The following CACNA2D3 variants were observed in gnomAD, a reference collection of about 807,000 sequenced individuals.
The protein encoded by CACNA2D3 is calcium voltage-gated channel auxiliary subunit alpha2delta 3.
CACNA2D3 carries 60 observed loss-of-function variants against 160.6 expected under a neutral mutation model. The observed-to-expected ratio is 0.37, with a 90% CI of 0.30 to 0.46. The LOEUF is 0.46. Among genes scored for constraint, CACNA2D3 ranks in the 20% least tolerant of loss-of-function variants. CACNA2D3 has a pLI of 1.00. For missense variants in CACNA2D3, 1,205 were observed against 1,365.0 expected (o/e 0.88, Z 1.85); for synonymous variants, 558 against 492.9 (o/e 1.13, Z -1.75).
intron 11 of CACNA2D3, among the ~76,000 whole-genome samples, chr3:54,719,391 C>G (rs1006246083): frequency 4.6e-5 from 7 of 151,750 alleles, no homozygotes; most frequent in African/African-American, 9.7e-5. Flanking sequence ...TGAATTTTGT[C>G]GAGTGCTTGT....
At chr3:54,816,925 G>T in intron 14 of CACNA2D3, 55 bp downstream of exon 14, 1 of 1,585,200 alleles carries the variant, frequency 6.3e-7, no homozygotes, top group Non-Finnish European at 8.6e-7. Context: ...AGTCATGCAT[G>T]CCTCCATGGT....
intron 29 of CACNA2D3, among the ~76,000 whole-genome samples, chr3:54,979,680 A>G (rs1702465220): frequency 6.6e-6 from 1 of 152,196 alleles, no homozygotes; most frequent in Admixed American, 6.5e-5. Context: ...CTGCTTGAAC[A>G]GAACTCCTGT....
At chr3:54,296,997 C>T (rs1703357348) in intron 2 of CACNA2D3, among the ~76,000 whole-genome samples, 1 of 152,128 alleles carries the variant, frequency 6.6e-6, no homozygotes, top group East Asian at 1.9e-4. Context: ...CCACTTCCTA[C>T]CTAGCGCTTT....
At chr3:54,377,027 A>C (rs1227153148) in intron 3 of CACNA2D3, among the ~76,000 whole-genome samples, 2 of 152,162 alleles carry the variant, frequency 1.3e-5, no homozygotes, top group Non-Finnish European at 2.9e-5. Context: ...GAGAAAGAAA[A>C]ATTTTCTTCC....
chr3:54,842,686 T>C (rs529845189), intron 16 of CACNA2D3, among the ~76,000 whole-genome samples: 16 of 151,472 alleles, frequency 1.1e-4, no homozygotes, highest in African/African-American at 3.6e-4. Context: ...CTGCAACCTC[T>C]GCCTTCCAGG....
intron 2 of CACNA2D3, among the ~76,000 whole-genome samples, chr3:54,186,427 G>T (rs1248718112): frequency 6.6e-6 from 1 of 152,172 alleles, no homozygotes; most frequent in Admixed American, 6.5e-5. Flanking sequence ...AGTGTGCACT[G>T]TGGTAAATTA....
chr3:54,758,370 G>A (rs1336342763), intron 12 of CACNA2D3, among the ~76,000 whole-genome samples: 1 of 152,042 alleles, frequency 6.6e-6, no homozygotes, highest in Non-Finnish European at 1.5e-5. Context: ...AGCTGATTTT[G>A]AGAGCTCTGC....
At chr3:54,878,971 A>G (rs1699728026) in intron 18 of CACNA2D3, 47 bp from the exon 19 acceptor site, 1 of 1,235,334 alleles carries the variant, frequency 8.1e-7, no homozygotes, top group Non-Finnish European at 1.2e-6. Context: ...TCCAGATTAC[A>G]TGATAACCCA....
At chr3:54,863,815 G>A (rs1350956239) in intron 17 of CACNA2D3, among the ~76,000 whole-genome samples, 1 of 152,104 alleles carries the variant, frequency 6.6e-6, no homozygotes, top group African/African-American at 2.4e-5. Context: ...TCATCTTTGA[G>A]ATGCTTAAAA....
intron 11 of CACNA2D3, among the ~76,000 whole-genome samples, chr3:54,728,533 C>T (rs1291942068): frequency 6.6e-6 from 1 of 152,100 alleles, no homozygotes; most frequent in African/African-American, 2.4e-5. Flanking sequence ...TCTATTATCT[C>T]TTTCCTTTTT....
intron 2 of CACNA2D3, among the ~76,000 whole-genome samples, chr3:54,290,181 G>A (rs1024367414): frequency 1.3e-5 from 2 of 152,058 alleles, no homozygotes; most frequent in Non-Finnish European, 2.9e-5. Flanking sequence ...CTAATATCCA[G>A]AATCTACAAT....
intron 17 of CACNA2D3, among the ~76,000 whole-genome samples, chr3:54,863,792 C>G (rs1467145692): frequency 6.6e-6 from 1 of 151,962 alleles, no homozygotes; most frequent in African/African-American, 2.4e-5. Context: ...ACTAAGAGAG[C>G]ACATACAACT....
At chr3:54,406,538 A>T (rs1481114961) in intron 4 of CACNA2D3, among the ~76,000 whole-genome samples, 1 of 152,204 alleles carries the variant, frequency 6.6e-6, no homozygotes, top group South Asian at 2.1e-4. Flanking sequence ...ACATTATGCT[A>T]AGTGAAATAA....
At chr3:54,350,968 G>GT (rs758501839) in intron 3 of CACNA2D3, among the ~76,000 whole-genome samples, 1,425 of 55,928 alleles carry the variant, frequency 0.025, 185 homozygotes, top group East Asian at 0.037. Context: ...TCTTGAGTCT[G>GT]TTTTTTTTTT....
chr3:54,879,901 GA>G (rs763857315), intron 20 of CACNA2D3, among the ~76,000 whole-genome samples: 65 of 152,252 alleles, frequency 4.3e-4, no homozygotes, highest in Non-Finnish European at 8.2e-4. Flanking sequence ...TAACAGTCCT[GA>G]AAAATGGCTT....
chr3:54,162,654 G>T (rs1339020848), intron 2 of CACNA2D3, among the ~76,000 whole-genome samples: 2 of 152,080 alleles, frequency 1.3e-5, no homozygotes, highest in African/African-American at 4.8e-5. Flanking sequence ...GAAATATTGT[G>T]CCCATTTAGG....
chr3:54,512,826 A>C (rs1701480887), intron 5 of CACNA2D3, among the ~76,000 whole-genome samples: 1 of 152,236 alleles, frequency 6.6e-6, no homozygotes, highest in South Asian at 2.1e-4. Flanking sequence ...TGATAAAGAC[A>C]TACCTGAGAC....
chr3:54,730,414 T>C (rs1279262030), intron 11 of CACNA2D3, among the ~76,000 whole-genome samples: 1 of 152,218 alleles, frequency 6.6e-6, no homozygotes, highest in Non-Finnish European at 1.5e-5. Context: ...CATGCAGATA[T>C]GGAAGCCTAA....
At chr3:54,451,528 G>C (rs1186543798) in intron 4 of CACNA2D3, among the ~76,000 whole-genome samples, 1 of 151,866 alleles carries the variant, frequency 6.6e-6, no homozygotes, top group Non-Finnish European at 1.5e-5. Context: ...CTCTATTCCG[G>C]GCTTCTCTTT....
Sources: gnomAD v4.1 joint callset for allele counts (sites outside exome capture counted in the v4.1 genomes callset) on GRCh38, gnomAD v4.1.1 for gene constraint, MANE v1.5 for transcripts, NCBI Gene and HGNC (gene_info 2026-07-23, HGNC 2026-07-21) for gene names.